SLC9C1: variants seen among roughly 807,000 people sequenced by gnomAD.
SLC9C1 encodes the protein solute carrier family 9 member C1.
In SLC9C1, 97 loss-of-function variants were observed where a neutral mutation model predicts 140.9. That is an observed-to-expected ratio of 0.69 (90% CI 0.58 to 0.82). The LOEUF (loss-of-function observed/expected upper bound fraction) is 0.82. Among genes scored for constraint, SLC9C1 ranks in the 40% least tolerant of loss-of-function variants. The pLI, the probability that SLC9C1 is intolerant of heterozygous loss-of-function variation, is 0.00. For synonymous variants in SLC9C1, 440 were observed against 442.6 expected (o/e 0.99, Z 0.07); for missense variants, 1,340 against 1,389.3 (o/e 0.96, Z 0.56).
At chr3:112,270,549 A>G (rs1422505017) in intron 6 of SLC9C1, among the ~76,000 whole-genome samples, 1 of 152,228 alleles carries the variant, frequency 6.6e-6, no homozygotes, top group Non-Finnish European at 1.5e-5. Flanking sequence ...GCTCATGCCT[A>G]TAATCCCAGC....
intron 1 of SLC9C1, among the ~76,000 whole-genome samples, chr3:112,292,127 G>C (rs1037855589): frequency 6.6e-6 from 1 of 152,178 alleles, no homozygotes; most frequent in Non-Finnish European, 1.5e-5. Flanking sequence ...TAGATGGTGG[G>C]AGGAGAGAGA....
intron 26 of SLC9C1, among the ~76,000 whole-genome samples, chr3:112,162,638 A>G (rs2075340446): frequency 6.6e-6 from 1 of 152,102 alleles, no homozygotes; most frequent in East Asian, 1.9e-4. Context: ...ACCATGGTGG[A>G]TTATCTTTTT....
chr3:112,160,802 G>C (rs1451301814), intron 26 of SLC9C1, among the ~76,000 whole-genome samples: 1 of 151,564 alleles, frequency 6.6e-6, no homozygotes, highest in African/African-American at 2.4e-5. Flanking sequence ...GGATGGCTGG[G>C]TCAAATGGTA....
At chr3:112,207,778 T>A (rs1304541909) in intron 16 of SLC9C1, among the ~76,000 whole-genome samples, 2 of 152,170 alleles carry the variant, frequency 1.3e-5, no homozygotes, top group African/African-American at 4.8e-5. Context: ...CATAAGAAGC[T>A]CCTTCTGTCT....
In SLC9C1 at chr3:112,275,000, T is replaced by C. The variant is rs150037453; in HGVS notation, c.510A>G (p.Leu170=). 255 of 1,576,904 alleles carry C rather than the reference T, an allele frequency of 1.6e-4. 1 individual carries two copies. Among genetic ancestry groups the C allele is most frequent in the Middle Eastern group, 4.1e-4 (2 of 4,834 alleles). ...AGGTCATCAGACTTTCTCCATTAATTAAACTGATGAGGCTTCTAGAAAGCC... is the reference window on the plus strand; with the variant it reads ...AGGTCATCAGACTTTCTCCATTAATCAAACTGATGAGGCTTCTAGAAAGCC... The part of the protein sequence containing the change: ...DLGLSRSLIS[L]INGESLMTSV... Residue 170 remains leucine (L), a synonymous_variant, in exon 6 of 29, where the codon TTA becomes TTG. Transcript: ENST00000305815.
At chr3:112,222,755 G>C (rs1046949683) in intron 13 of SLC9C1, among the ~76,000 whole-genome samples, 1 of 152,092 alleles carries the variant, frequency 6.6e-6, no homozygotes, top group Non-Finnish European at 1.5e-5. Flanking sequence ...GTGACTAAAA[G>C]ACATGGCCTC....
rs1320590993 is a variant in SLC9C1, at chr3:112,182,185, A to T, written c.2597T>A (p.Leu866Gln). The change falls in exon 21 of 29, where the codon CTA becomes CAA. Residue 866 changes from leucine to glutamine, a missense_variant. By Grantham distance (113) the Leu-to-Gln change is moderately radical. Coordinates refer to ENST00000305815, the MANE Select transcript of SLC9C1 (RefSeq NM_183061.3). ...IIRPLTVEEVLYHIPWLDKNK... is the reference protein window; with the variant it reads ...IIRPLTVEEVQYHIPWLDKNK... Reference sequence around the variant, plus strand: ...TTTATCTAGCCACGGAATATGATATAGAACTTCTTCAACAGTAAGAGGCCT... The same window carrying T: ...TTTATCTAGCCACGGAATATGATATTGAACTTCTTCAACAGTAAGAGGCCT... The T allele has an allele frequency of 6.2e-7, 1 of 1,606,698 alleles. No homozygotes were observed. Among genetic ancestry groups the T allele is most frequent in the East Asian group, 2.2e-5 (1 of 44,538 alleles).
intron 1 of SLC9C1, among the ~76,000 whole-genome samples, chr3:112,290,318 C>T (rs2080641659): frequency 6.6e-6 from 1 of 152,130 alleles, no homozygotes; most frequent in Admixed American, 6.5e-5. Flanking sequence ...GCATTTTTAT[C>T]ATTTCTAAAA....
intron 17 of SLC9C1, among the ~76,000 whole-genome samples, chr3:112,203,229 A>G (rs981151736): frequency 2.6e-5 from 4 of 152,068 alleles, no homozygotes; most frequent in Admixed American, 2.0e-4. Flanking sequence ...ACATAAGACC[A>G]TAGTTCAGAG....
chr3:112,161,697 G>C (rs1438479376), intron 26 of SLC9C1, among the ~76,000 whole-genome samples: 1 of 152,008 alleles, frequency 6.6e-6, no homozygotes, highest in Non-Finnish European at 1.5e-5. Context: ...TTTGAAGTCA[G>C]GTAGCGTGAT....
At chr3:112,247,776 C>T (rs4282033) in intron 10 of SLC9C1, among the ~76,000 whole-genome samples, 89,752 of 151,768 alleles carry the variant, frequency 0.59, 27,044 homozygotes, top group East Asian at 0.79. Context: ...AATATCAGAA[C>T]TTTGTCAAGA....
In SLC9C1 at chr3:112,205,366, A is replaced by C. The variant is rs535928731; in HGVS notation, c.1987-963T>G. Among the ~76,000 whole-genome samples the C allele has an allele frequency of 3.6e-3, 550 of 151,634 alleles. 1 individual carries two copies. The highest frequency in any genetic ancestry group is 0.012 in the African/African-American group (495 of 41,310). On this transcript the variant is annotated intron_variant, in intron 16 of 28. Coordinates refer to ENST00000305815, the MANE Select transcript of SLC9C1 (RefSeq NM_183061.3). Reference sequence around the variant, plus strand: ...ACAAGGGACGTGAAGGACCTCTTCAAGGAGAACTACAAACCACTGCTCAAC... The same window carrying C: ...ACAAGGGACGTGAAGGACCTCTTCACGGAGAACTACAAACCACTGCTCAAC...
Position 112,176,987 on chromosome 3 carries a change from G to GTC in SLC9C1, c.2919+2542_2919+2543dup, listed in dbSNP as rs375135539. On this transcript the variant is annotated intron_variant, in intron 23 of 28. Coordinates refer to ENST00000305815, the MANE Select transcript of SLC9C1 (RefSeq NM_183061.3). ...ATATCTTGACTTCTTGACTCCTGGT[G>GTC]TCTCTCTCTCTCTCTCTCTTTTTTT... is the stretch of plus-strand genomic sequence containing the variant. 8.5e-3 allele frequency among the ~76,000 whole-genome samples: 1,184 copies of GTC among 138,718 alleles called. 23 individuals are homozygous for GTC. The highest frequency in any genetic ancestry group is 0.03 in the African/African-American group (1,077 of 36,230). The allele number at this position is 138,718 out of a possible 152,430, so 91.0% of individuals were successfully genotyped here. A position where few individuals can be genotyped will look rare whatever the true frequency, so the allele number is the denominator to read the frequency against.
chr3:112,214,450 G>A (rs906129218), intron 15 of SLC9C1, among the ~76,000 whole-genome samples: 7 of 152,018 alleles, frequency 4.6e-5, no homozygotes, highest in African/African-American at 1.7e-4. Flanking sequence ...CAACAAAATT[G>A]ATAGACCACT....
intron 2 of SLC9C1, among the ~76,000 whole-genome samples, chr3:112,281,224 G>C (rs13081935): frequency 0.58 from 88,298 of 152,014 alleles, 26,267 homozygotes; most frequent in East Asian, 0.79. Flanking sequence ...TGCTGCAACT[G>C]GTTCATTTTC....
chr3:112,253,633 A>T (rs189080376), intron 10 of SLC9C1, among the ~76,000 whole-genome samples: 158 of 152,324 alleles, frequency 1.0e-3, no homozygotes, highest in Admixed American at 1.7e-3. Context: ...GACTGCACAC[A>T]ATCTGCACCA....
At chr3:112,227,856 G>A (rs1477593993) in intron 13 of SLC9C1, among the ~76,000 whole-genome samples, 1 of 151,966 alleles carries the variant, frequency 6.6e-6, no homozygotes, top group Non-Finnish European at 1.5e-5. Flanking sequence ...ATTTAACCAT[G>A]AAAATGAAAG....
intron 20 of SLC9C1, among the ~76,000 whole-genome samples, chr3:112,194,527 C>T (rs958396163): frequency 6.6e-6 from 1 of 152,082 alleles, no homozygotes; most frequent in Non-Finnish European, 1.5e-5. Flanking sequence ...GCCATCTTGC[C>T]TATGTCACTG....
At position 112,169,095 on chromosome 3, in the gene SLC9C1, T is replaced by C. The variant is rs373390617; in HGVS notation, c.3052-33A>G. On this transcript the variant is annotated intron_variant, in intron 24 of 28. Transcript: ENST00000305815. Reference sequence around the variant, plus strand: ...AGAAAACACAATTTCAGTCTATTATTAGTCTATGAAGTTCAGTATATATTC... The same window carrying C: ...AGAAAACACAATTTCAGTCTATTATCAGTCTATGAAGTTCAGTATATATTC... 31 of 1,573,896 alleles carry C rather than the reference T, an allele frequency of 2.0e-5. No homozygotes were observed. In the African/African-American group the frequency reaches 3.4e-4, roughly 17 times the overall value.
Sources: gnomAD v4.1 joint callset for allele counts (sites outside exome capture counted in the v4.1 genomes callset) on GRCh38, gnomAD v4.1.1 for gene constraint, MANE v1.5 for transcripts, NCBI Gene and HGNC (gene_info 2026-07-23, HGNC 2026-07-21) for gene names.